MARCHF4: variants seen among roughly 807,000 people sequenced by gnomAD.
MARCHF4 encodes the protein E3 ubiquitin-protein ligase MARCHF4.
Under a neutral mutation model 43.9 loss-of-function variants are expected in MARCHF4, and 14 were observed. The observed-to-expected ratio is 0.32, with a 90% CI of 0.21 to 0.50. The LOEUF is 0.50. Among genes scored for constraint, MARCHF4 ranks in the 20% least tolerant of loss-of-function variants. The pLI, the probability that MARCHF4 is intolerant of heterozygous loss-of-function variation, is 0.98. For missense variants in MARCHF4, 468 were observed against 536.7 expected, an observed-to-expected ratio of 0.87 and a Z score of 1.27; for synonymous variants, 226 against 213.3, an observed-to-expected ratio of 1.06 and a Z score of -0.52.
chr2:216,274,329 A>C (rs1260464182), intron 3 of MARCHF4, among the ~76,000 whole-genome samples: 9 of 152,156 alleles, frequency 5.9e-5, no homozygotes. Context: ...CCCTGAGTGA[A>C]TCTAATGCCA....
In MARCHF4 at chr2:216,314,734, C is replaced by T. The variant is rs866028156; in HGVS notation, c.517-31005G>A. On this transcript the variant is annotated intron_variant, in intron 1 of 3. Coordinates refer to ENST00000273067, the MANE Select transcript of MARCHF4 (RefSeq NM_020814.3). ...GGTTATGTAACCAGGAAAGACTTCT[C>T]TAAGCAGATGGTATTTAATTTGAGA... 2.0e-4 allele frequency among the ~76,000 whole-genome samples: 30 copies of T among 152,276 alleles called. No individual in the cohort carries two copies. In the Middle Eastern group the frequency reaches 0.014, roughly 69 times the overall value.
rs369059953 is a variant in MARCHF4 at position 216,278,892 on chromosome 2, C to A, written c.673-1028G>T. Among the ~76,000 whole-genome samples, 4 of 152,140 alleles carry A rather than the reference C, an allele frequency of 2.6e-5. No homozygotes were observed. In the East Asian group the frequency reaches 7.7e-4, roughly 29 times the overall value. ...TCCGGGCAGTACAGGTCTGAAGGAG[C>A]CAGGAGTTAGATTTTTAACTTGGGG... On this transcript the variant is annotated intron_variant, in intron 2 of 3. Transcript: ENST00000273067.
At chr2:216,350,840 ATATTTATTTGTTGAGTTCC>A (rs1253059421) in intron 1 of MARCHF4, among the ~76,000 whole-genome samples, 1 of 152,234 alleles carries the variant, frequency 6.6e-6, no homozygotes, top group Non-Finnish European at 1.5e-5. Flanking sequence ...AGACGGAACC[ATATTTATTTGTTGAGTTCC>A]TAGGGCTAGC....
At chr2:216,275,118 C>T (rs2105936700) in intron 3 of MARCHF4, among the ~76,000 whole-genome samples, 1 of 152,312 alleles carries the variant, frequency 6.6e-6, no homozygotes, top group African/African-American at 2.4e-5. Context: ...ACAATGAAAA[C>T]TCTCAATATT....
At chr2:216,323,208 T>C (rs572533609) in intron 1 of MARCHF4, among the ~76,000 whole-genome samples, 1 of 152,304 alleles carries the variant, frequency 6.6e-6, no homozygotes, top group South Asian at 2.1e-4. Flanking sequence ...ATTTTCTCCT[T>C]TTTTGCAATC....
In MARCHF4 at chr2:216,370,394, C is replaced by T. The variant is rs1347644169; in HGVS notation, c.-134G>A. The T allele has an allele frequency of 6.5e-5, 41 of 633,296 alleles. No individual in the cohort carries two copies. Among genetic ancestry groups the T allele is most frequent in the Non-Finnish European group, 7.8e-6 (3 of 383,606 alleles). The allele number at this position is 633,296 out of a possible 1,614,324, so 39.2% of individuals were successfully genotyped here. Reference sequence around the variant, plus strand: ...CTTTCTCACTGGCTTTTCTTACAACCCCTCCAAGTAGCAAATAAATTGCTC... The same window carrying T: ...CTTTCTCACTGGCTTTTCTTACAACTCCTCCAAGTAGCAAATAAATTGCTC... On this transcript the variant is annotated 5_prime_UTR_variant, in exon 1 of 4. Coordinates refer to ENST00000273067, the MANE Select transcript of MARCHF4 (RefSeq NM_020814.3).
intron 1 of MARCHF4, among the ~76,000 whole-genome samples, chr2:216,363,573 A>G (rs1420191633): frequency 1.3e-5 from 2 of 152,204 alleles, no homozygotes; most frequent in Non-Finnish European, 2.9e-5. Flanking sequence ...TGGAGCTTCC[A>G]ATTTAAGTAG....
In MARCHF4 at chr2:216,259,406, G is replaced by C; in HGVS notation, c.1139C>G (p.Thr380Ser). ...GPLSHHHCAYTILHILSHLRP... is the reference protein window; with the variant it reads ...GPLSHHHCAYSILHILSHLRP... ...CAAGTGACTCAGGATGTGCAGGATG[G>C]TATAAGCACAGTGGTGATGGGACAG... The change falls in exon 4 of 4, where the codon ACC becomes AGC. Residue 380 changes from threonine to serine, a missense_variant. By Grantham distance (58) the Thr-to-Ser change is moderately conservative. Transcript: ENST00000273067. The C allele has an allele frequency of 6.2e-7, 1 of 1,613,570 alleles. No individual in the cohort carries two copies. Among genetic ancestry groups the C allele is most frequent in the Non-Finnish European group, 8.5e-7 (1 of 1,179,650 alleles).
chr2:216,346,487 G>C (rs544815155), intron 1 of MARCHF4, among the ~76,000 whole-genome samples: 2 of 152,354 alleles, frequency 1.3e-5, no homozygotes, highest in East Asian at 1.9e-4. Context: ...GGGGATTACA[G>C]TTTAGAGGGG....
At chr2:216,359,302 C>T (rs1157798106) in intron 1 of MARCHF4, among the ~76,000 whole-genome samples, 1 of 152,148 alleles carries the variant, frequency 6.6e-6, no homozygotes, top group Non-Finnish European at 1.5e-5. Context: ...TAGCCAAGCA[C>T]CCCCATTTTT....
At chr2:216,311,808 C>A (rs1312694303) in intron 1 of MARCHF4, among the ~76,000 whole-genome samples, 1 of 152,148 alleles carries the variant, frequency 6.6e-6, no homozygotes, top group Non-Finnish European at 1.5e-5. Flanking sequence ...ATTCTCCCAT[C>A]CATAGTGTAT....
chr2:216,273,588 C>G (rs956654881), intron 3 of MARCHF4, among the ~76,000 whole-genome samples: 2 of 152,196 alleles, frequency 1.3e-5, no homozygotes, highest in Non-Finnish European at 2.9e-5. Context: ...TGCCAGGGAG[C>G]CTTCTCTTCC....
chr2:216,335,942 C>A lies in MARCHF4; in HGVS notation c.516+33803G>T, dbSNP rs569549077. Among the ~76,000 whole-genome samples the A allele has an allele frequency of 6.6e-5, 10 of 151,788 alleles. No homozygotes were observed. In the East Asian group the frequency reaches 1.7e-3, roughly 26 times the overall value. ...AATTAGCTGGGCATGGTGGCACAAACCTGTAATTCCAGCTACTTAGGAGGC... is the reference window on the plus strand; with the variant it reads ...AATTAGCTGGGCATGGTGGCACAAAACTGTAATTCCAGCTACTTAGGAGGC... On this transcript the variant is annotated intron_variant, in intron 1 of 3. Coordinates refer to ENST00000273067, the MANE Select transcript of MARCHF4 (RefSeq NM_020814.3).
chr2:216,321,300 C>T (rs1162984657), intron 1 of MARCHF4, among the ~76,000 whole-genome samples: 1 of 152,118 alleles, frequency 6.6e-6, no homozygotes, highest in Admixed American at 6.5e-5. Flanking sequence ...GAATGGCCCC[C>T]ACTCTCATGA....
chr2:216,341,673 G>A (rs1343526979), intron 1 of MARCHF4, among the ~76,000 whole-genome samples: 2 of 152,190 alleles, frequency 1.3e-5, no homozygotes, highest in Non-Finnish European at 2.9e-5. Flanking sequence ...CAGCAACACC[G>A]GTGCCTCCCG....
intron 1 of MARCHF4, among the ~76,000 whole-genome samples, chr2:216,342,773 G>T (rs1362423452): frequency 6.6e-6 from 1 of 152,148 alleles, no homozygotes; most frequent in Non-Finnish European, 1.5e-5. Context: ...GGAACTGATT[G>T]CCAAGTGTGG....
intron 1 of MARCHF4, among the ~76,000 whole-genome samples, chr2:216,355,003 A>ATTCTTTTTTT (rs1559106767): frequency 7.1e-5 from 9 of 126,564 alleles, no homozygotes; most frequent in East Asian, 2.5e-4. Context: ...ACAGAGTCTA[A>ATTCTTTTTTT]CTTTGTCACC....
chr2:216,303,067 G>T (rs1475979167), intron 1 of MARCHF4, among the ~76,000 whole-genome samples: 1 of 151,940 alleles, frequency 6.6e-6, no homozygotes, highest in Admixed American at 6.6e-5. Flanking sequence ...CTTCATTGAG[G>T]AATAAAACAT....
chr2:216,340,232 C>G (rs1462829632), intron 1 of MARCHF4, among the ~76,000 whole-genome samples: 2 of 152,196 alleles, frequency 1.3e-5, no homozygotes, highest in African/African-American at 2.4e-5. Context: ...CCAGTCTTAG[C>G]TCTCCTGGCC....
Sources: allele counts gnomAD v4.1 joint callset (sites outside exome capture counted in the v4.1 genomes callset), GRCh38; gene constraint gnomAD v4.1.1; transcripts MANE v1.5; gene names NCBI Gene and HGNC (gene_info 2026-07-23, HGNC 2026-07-21).